The following ZNF160 variants were observed in gnomAD, a reference collection of about 807,000 sequenced individuals.
ZNF160 encodes the protein KRAB zinc finger protein KR18.
Under a neutral mutation model 13.1 loss-of-function variants are expected in ZNF160, and 9 were observed. The ratio of observed to expected loss-of-function variants is 0.69; its 90% CI spans 0.41 to 1.20. The LOEUF (loss-of-function observed/expected upper bound fraction) is 1.20, where lower values mean the gene tolerates loss of function less well. Ranked by LOEUF, ZNF160 falls within the 50% of genes most tolerant of loss-of-function variation. The probability of loss-of-function intolerance (pLI) is 0.01; values close to 1 mark genes in which losing one functional copy is unlikely to be tolerated. For missense variants in ZNF160, 838 were observed against 988.0 expected (o/e 0.85, Z 2.04); for synonymous variants, 293 against 333.2 (o/e 0.88, Z 1.31).
intron 2 of ZNF160, among the ~76,000 whole-genome samples, chr19:53,090,047 C>T (rs143713218): frequency 1.1e-4 from 17 of 151,088 alleles, no homozygotes; most frequent in African/African-American, 3.9e-4. Flanking sequence ...CCCCTCTGCT[C>T]CCCCTATTAA....
At chr19:53,082,830 G>A (rs544584610) in intron 3 of ZNF160, among the ~76,000 whole-genome samples, 3 of 152,280 alleles carry the variant, frequency 2.0e-5, no homozygotes, top group Non-Finnish European at 2.9e-5. Context: ...CACAGGTTGA[G>A]GGTTCAGTCC....
intron 3 of ZNF160, among the ~76,000 whole-genome samples, chr19:53,080,578 C>T (rs1192087417): frequency 6.6e-6 from 1 of 152,124 alleles, no homozygotes; most frequent in Non-Finnish European, 1.5e-5. Flanking sequence ...TCAGACAACA[C>T]GAACAAATGG....
chr19:53,074,007 C>G, intron 5 of ZNF160, 133 bp downstream of exon 5: 1 of 812,924 alleles, frequency 1.2e-6, no homozygotes. Flanking sequence ...TCAGGCTGGT[C>G]TCGAACTCCT....
At chr19:53,092,485 T>C (rs1196960510) in intron 1 of ZNF160, among the ~76,000 whole-genome samples, 1 of 152,160 alleles carries the variant, frequency 6.6e-6, no homozygotes, top group Non-Finnish European at 1.5e-5. Context: ...TAATTTTTTT[T>C]GTATTTTTAG....
intron 1 of ZNF160, among the ~76,000 whole-genome samples, chr19:53,096,624 A>G (rs12981958): frequency 0.2 from 26,707 of 136,540 alleles, 809 homozygotes; most frequent in East Asian, 0.28. Flanking sequence ...AATATTATTC[A>G]CAGACCCAGA....
At chr19:53,086,362 T>C (rs991424975) in intron 2 of ZNF160, 41 bp from the exon 3 acceptor site, 1 of 1,503,416 alleles carries the variant, frequency 6.7e-7, no homozygotes, top group Non-Finnish European at 8.9e-7. Context: ...CAATACTGAA[T>C]ATCCAAAATA....
At chr19:53,087,320 C>T (rs1031246631) in intron 2 of ZNF160, among the ~76,000 whole-genome samples, 5 of 152,096 alleles carry the variant, frequency 3.3e-5, no homozygotes, top group Admixed American at 2.6e-4. Flanking sequence ...TTCTCCCATA[C>T]GTCAAAAAAA....
At chr19:53,081,397 A>C (rs140636968) in intron 3 of ZNF160, among the ~76,000 whole-genome samples, 32 of 152,298 alleles carry the variant, frequency 2.1e-4, no homozygotes, top group African/African-American at 7.7e-4. Context: ...ATCTATAAGA[A>C]ACATAAGCAA....
intron 3 of ZNF160, among the ~76,000 whole-genome samples, chr19:53,080,918 A>G (rs2084607060): frequency 6.6e-6 from 1 of 152,170 alleles, no homozygotes; most frequent in African/African-American, 2.4e-5. Context: ...ATAAAGGCCC[A>G]CACCTCCAAC....
chr19:53,068,123 A>G lies in ZNF160; in HGVS notation c.2411T>C (p.Leu804Pro). Residue 804 changes from leucine (L) to proline (P), a missense_variant, in exon 6 of 6, where the codon CTT becomes CCT. Physicochemically the swap from Leu to Pro is moderately conservative, Grantham distance 98. Transcript: ENST00000683776. ...CGKVFRQSSN[L>P]ASHHRMHTGE... ...GGTATGCATTCTGTGATGACTTGCA[A>G]GATTTGAACTCTGCCTGAAGACCTT... 3.7e-6 allele frequency: 6 copies of G among 1,613,370 alleles called. No individual in the cohort carries two copies. Among genetic ancestry groups the G allele is most frequent in the Non-Finnish European group, 5.1e-6 (6 of 1,179,616 alleles).
rs191653283 is a variant in ZNF160 at position 53,090,628 on chromosome 19, C to T, written c.-46+785G>A. Among the ~76,000 whole-genome samples the T allele has an allele frequency of 7.2e-5, 11 of 152,226 alleles. No individual in the cohort carries two copies. In the East Asian group the frequency reaches 9.7e-4, roughly 13 times the overall value. On this transcript the variant is annotated intron_variant, in intron 2 of 5. Transcript: ENST00000683776. ...GACAGGCCCAAGTCACCTCCTTCAA[C>T]GCTGGGTCAGAGGAAGCCATGCTTA...
chr19:53,077,159 C>T (rs1179210605), intron 3 of ZNF160: 3 of 152,336 alleles, frequency 2.0e-5, no homozygotes, highest in Middle Eastern at 3.4e-3. Flanking sequence ...GCGGAACAGC[C>T]GGCAGACAAC....
intron 2 of ZNF160, 102 bp from the exon 3 acceptor site, chr19:53,086,423 A>C: frequency 1.9e-6 from 2 of 1,053,220 alleles, no homozygotes; most frequent in Non-Finnish European, 1.3e-6. Flanking sequence ...CCACAGTCAC[A>C]CGCACAGATC....
intron 3 of ZNF160, among the ~76,000 whole-genome samples, chr19:53,078,410 T>TA (rs768032120): frequency 6.0e-5 from 9 of 150,930 alleles, no homozygotes; most frequent in Non-Finnish European, 1.2e-4. Flanking sequence ...ACCCCATCTC[T>TA]AAAAAAAATA....
rs181882524 is a variant in ZNF160 at position 53,068,049 on chromosome 19, T to G, written c.*28A>C. The G allele has an allele frequency of 1.3e-6, 2 of 1,554,366 alleles. No individual in the cohort carries two copies. The highest frequency in any genetic ancestry group is 2.7e-5 in the African/African-American group (2 of 73,484). On this transcript the variant is annotated 3_prime_UTR_variant, in exon 6 of 6. Transcript: ENST00000683776. ...ATGAAATTAACTGATGTGAAAGGAG[T>G]GAATTGTACCTAATGACCTCACCAC... is the stretch of plus-strand genomic sequence containing the variant.
intron 1 of ZNF160, among the ~76,000 whole-genome samples, chr19:53,094,354 T>C (rs995256023): frequency 7.2e-5 from 11 of 152,156 alleles, no homozygotes. Context: ...GTTGTCACTA[T>C]GAAACTGAAC....
Position 53,075,094 on chromosome 19 carries a change from G to C in ZNF160, c.105C>G (p.Asp35Glu). 1.2e-6 allele frequency: 2 copies of C among 1,614,092 alleles called. No individual in the cohort carries two copies. The highest frequency in any genetic ancestry group is 1.7e-6 in the Non-Finnish European group (2 of 1,180,008). Residue 35 changes from aspartate to glutamate, a missense_variant, in exon 4 of 6, where the codon GAC becomes GAG. Coordinates refer to ENST00000683776, the MANE Select transcript of ZNF160 (RefSeq NM_001322131.2). Reference sequence around the variant, plus strand: ...GGTTCCAGTAGTTCTCCAACATCACGTCCCTGTATAAGATCCTCTGAGCAG... The same window carrying C: ...GGTTCCAGTAGTTCTCCAACATCACCTCCCTGTATAAGATCCTCTGAGCAG... ...LDPAQRILYR[D>E]VMLENYWNLV...
chr19:53,076,574 A>G (rs927133526), intron 3 of ZNF160, among the ~76,000 whole-genome samples: 2 of 152,114 alleles, frequency 1.3e-5, no homozygotes, highest in Non-Finnish European at 2.9e-5. Flanking sequence ...AGGAGGTAGA[A>G]GTTGCGGTGA....
chr19:53,097,398 C>CT (rs148373758), intron 1 of ZNF160, among the ~76,000 whole-genome samples: 16,838 of 151,668 alleles, frequency 0.11, 1,041 homozygotes, highest in East Asian at 0.22. Flanking sequence ...CCCCGTTGCC[C>CT]TCTGGACTCA....
Sources: gnomAD v4.1 joint callset for allele counts (sites outside exome capture counted in the v4.1 genomes callset) on GRCh38, gnomAD v4.1.1 for gene constraint, MANE v1.5 for transcripts, NCBI Gene and HGNC (gene_info 2026-07-23, HGNC 2026-07-21) for gene names.